Variants in KYNU observed in about 807,000 individuals in gnomAD.
KYNU encodes the protein L-kynurenine hydrolase.
A neutral mutation model predicts 59.2 loss-of-function variants in KYNU; 54 were observed. The ratio of observed to expected loss-of-function variants is 0.91; its 90% CI spans 0.73 to 1.14. The LOEUF (loss-of-function observed/expected upper bound fraction) is 1.14. Ranked by LOEUF, KYNU falls within the 50% of genes most tolerant of loss-of-function variation. The pLI is 0.00. For missense variants in KYNU, 567 were observed against 554.4 expected (o/e 1.02, Z -0.23); for synonymous variants, 177 against 192.0 (o/e 0.92, Z 0.65).
intron 4 of KYNU, among the ~76,000 whole-genome samples, chr2:142,951,282 G>T (rs1253291430): frequency 6.6e-6 from 1 of 152,206 alleles, no homozygotes; most frequent in Non-Finnish European, 1.5e-5. Context: ...GGCCAGGTGT[G>T]GTGGCCTATG....
At chr2:142,951,543 G>C (rs562334340) in intron 4 of KYNU, among the ~76,000 whole-genome samples, 1 of 152,204 alleles carries the variant, frequency 6.6e-6, no homozygotes, top group African/African-American at 2.4e-5. Context: ...GAAGAGCAAT[G>C]AAACAAAGTA....
rs1687140675 is a variant in KYNU, at chr2:143,044,879, G to A, written c.*2707G>A. ...TTGGCTTTTGTTGCAATTGCTTTTG[G>A]TGTTTTAGTCTTAAATTCTTTGCCC... On this transcript the variant is annotated 3_prime_UTR_variant, in exon 14 of 14. Coordinates refer to ENST00000264170, the MANE Select transcript of KYNU (RefSeq NM_003937.3). 1 of 150,440 alleles carries A rather than the reference G, an allele frequency of 6.6e-6. No homozygotes were observed. Among genetic ancestry groups the A allele is most frequent in the Non-Finnish European group, 1.5e-5 (1 of 67,756 alleles). The allele number at this position is 150,440 out of a possible 1,614,324, so 9.3% of individuals were successfully genotyped here.
intron 8 of KYNU, among the ~76,000 whole-genome samples, chr2:142,962,125 A>C (rs955468134): frequency 6.6e-6 from 1 of 152,216 alleles, no homozygotes. Flanking sequence ...ATAAAAAATC[A>C]TATTTTAAAA....
At position 143,011,162 on chromosome 2, in the gene KYNU, A is replaced by G. The variant is rs975949896; in HGVS notation, c.903-18465A>G. Among the ~76,000 whole-genome samples the G allele has an allele frequency of 4.1e-5, 6 of 145,556 alleles. 2 individuals carry two copies. The highest frequency in any genetic ancestry group is 9.0e-5 in the Non-Finnish European group (6 of 66,996). On this transcript the variant is annotated intron_variant, in intron 10 of 13. Transcript: ENST00000264170. ...GGGAGACAATTTTTGCAACCTACTC[A>G]TCTGACAAAGGGCTAACATCCAGAA...
intron 8 of KYNU, among the ~76,000 whole-genome samples, chr2:142,976,649 T>C (rs1381151238): frequency 6.6e-6 from 1 of 152,128 alleles, no homozygotes; most frequent in Non-Finnish European, 1.5e-5. Context: ...TATCAGAAGG[T>C]TGTGAACTCA....
At chr2:142,909,157 T>C (rs1305649523) in intron 2 of KYNU, among the ~76,000 whole-genome samples, 1 of 110,396 alleles carries the variant, frequency 9.1e-6, no homozygotes, top group East Asian at 2.6e-4. Context: ...CAAACATATA[T>C]CAAGTTTTTT....
intron 3 of KYNU, among the ~76,000 whole-genome samples, chr2:142,927,084 A>G (rs1023713366): frequency 6.6e-6 from 1 of 152,256 alleles, no homozygotes; most frequent in African/African-American, 2.4e-5. Context: ...ACTTACTAGA[A>G]TAATAAAATT....
At chr2:142,944,991 A>G (rs564293218) in intron 4 of KYNU, among the ~76,000 whole-genome samples, 1 of 152,356 alleles carries the variant, frequency 6.6e-6, no homozygotes, top group South Asian at 2.1e-4. Context: ...AAAATACTTT[A>G]TTGCTAAATA....
chr2:143,034,147 G>GTATAAATATTTACATAAATAATGTAAATA (rs1162169721), intron 12 of KYNU, among the ~76,000 whole-genome samples: 6 of 150,974 alleles, frequency 4.0e-5, no homozygotes, highest in African/African-American at 4.8e-5. Context: ...TAATGTAAAT[G>GTATAAATATTTACATAAATAATGTAAATA]TATAAATATT....
chr2:142,882,287 C>T (rs577426380), intron 1 of KYNU, among the ~76,000 whole-genome samples: 1 of 152,176 alleles, frequency 6.6e-6, no homozygotes, highest in East Asian at 1.9e-4. Flanking sequence ...CACCGTTTCT[C>T]TCCTGAACTA....
intron 10 of KYNU, chr2:142,989,903 G>T (rs1573876717): frequency 6.6e-6 from 1 of 151,760 alleles, no homozygotes; most frequent in Non-Finnish European, 1.5e-5. Context: ...GTTTCCATTA[G>T]CAAACAGCAA....
rs571549164 is a variant in KYNU at position 142,929,867 on chromosome 2, A to G, written c.373+2126A>G. 4.6e-5 allele frequency among the ~76,000 whole-genome samples: 7 copies of G among 152,354 alleles called. No homozygotes were observed. The South Asian group carries it at 8.3e-4, about 18-fold the overall frequency. On this transcript the variant is annotated intron_variant, in intron 4 of 13. Coordinates refer to ENST00000264170, the MANE Select transcript of KYNU (RefSeq NM_003937.3). ...ATAGGTGGCTGCCCTTACAGACAAT[A>G]GATGGCAATTGTTTCCCATTCATAC...
At chr2:142,991,584 C>T (rs191053237) in intron 10 of KYNU, among the ~76,000 whole-genome samples, 65 of 151,954 alleles carry the variant, frequency 4.3e-4, no homozygotes, top group Non-Finnish European at 7.2e-4. Context: ...ATATAATTGG[C>T]TATCTCCTTT....
chr2:143,027,960 T>G (rs1288435828), intron 10 of KYNU, among the ~76,000 whole-genome samples: 1 of 152,032 alleles, frequency 6.6e-6, no homozygotes, highest in Non-Finnish European at 1.5e-5. Context: ...TAAGATACTA[T>G]TACAAGATAA....
At chr2:143,012,156 A>T (rs917641848) in intron 10 of KYNU, among the ~76,000 whole-genome samples, 1 of 152,080 alleles carries the variant, frequency 6.6e-6, no homozygotes, top group African/African-American at 2.4e-5. Context: ...GTTTCCTGCG[A>T]CAAAGGAGAA....
At chr2:142,916,116 A>C (rs1321253122) in intron 2 of KYNU, among the ~76,000 whole-genome samples, 1 of 152,132 alleles carries the variant, frequency 6.6e-6, no homozygotes, top group Non-Finnish European at 1.5e-5. Flanking sequence ...CAAAATTGTA[A>C]GACAATAAAT....
chr2:142,918,080 A>T (rs1682724875), intron 2 of KYNU, among the ~76,000 whole-genome samples: 1 of 152,228 alleles, frequency 6.6e-6, no homozygotes, highest in African/African-American at 2.4e-5. Context: ...ATCTTTGCCT[A>T]TACATGTGTT....
At chr2:143,012,116 C>T (rs1016631635) in intron 10 of KYNU, among the ~76,000 whole-genome samples, 1 of 151,294 alleles carries the variant, frequency 6.6e-6, no homozygotes, top group Non-Finnish European at 1.5e-5. Flanking sequence ...GAGGGTGTCC[C>T]CAAGTTGGAG....
At chr2:142,997,824 T>G (rs745966491) in intron 10 of KYNU, among the ~76,000 whole-genome samples, 1 of 152,170 alleles carries the variant, frequency 6.6e-6, no homozygotes, top group Non-Finnish European at 1.5e-5. Flanking sequence ...GGAATTCATA[T>G]TGAGCATTTT....
Sources: gnomAD v4.1 joint callset for allele counts (sites outside exome capture counted in the v4.1 genomes callset) on GRCh38, gnomAD v4.1.1 for gene constraint, MANE v1.5 for transcripts, NCBI Gene and HGNC (gene_info 2026-07-23, HGNC 2026-07-21) for gene names.